MECOM: variants seen among roughly 807,000 people sequenced by gnomAD.
MECOM encodes the protein MDS1 and EVI1 complex locus.
A neutral mutation model predicts 116.3 loss-of-function variants in MECOM; 13 were observed. The observed-to-expected ratio is 0.11, with a 90% confidence interval of 0.07 to 0.18. The LOEUF (loss-of-function observed/expected upper bound fraction) is 0.18, where lower values mean the gene tolerates loss of function less well. MECOM is among the 10% of genes least tolerant of loss of function. MECOM has a pLI of 1.00. For synonymous variants in MECOM, 528 were observed against 535.2 expected, an observed-to-expected ratio of 0.99 and a Z score of 0.19; for missense variants, 1,299 against 1,509.0, an observed-to-expected ratio of 0.86 and a Z score of 2.31.
At chr3:169,233,883 G>C (rs191066573) in intron 2 of MECOM, among the ~76,000 whole-genome samples, 1 of 152,192 alleles carries the variant, frequency 6.6e-6, no homozygotes, top group Admixed American at 6.5e-5. Context: ...CCAATTTCCT[G>C]ACTATGGAGG....
chr3:169,219,033 T>A (rs536792212), intron 2 of MECOM, among the ~76,000 whole-genome samples: 46 of 152,282 alleles, frequency 3.0e-4, no homozygotes, highest in African/African-American at 1.1e-3. Flanking sequence ...GTGTTGCTGC[T>A]GTGGGCTTTT....
intron 1 of MECOM, among the ~76,000 whole-genome samples, chr3:169,630,544 C>A (rs1394486120): frequency 6.6e-6 from 1 of 151,694 alleles, no homozygotes; most frequent in Non-Finnish European, 1.5e-5. Context: ...CCTCAAATTT[C>A]TGGGCTCAAG....
At chr3:169,304,760 C>A (rs1173545223) in intron 2 of MECOM, among the ~76,000 whole-genome samples, 1 of 152,114 alleles carries the variant, frequency 6.6e-6, no homozygotes, top group African/African-American at 2.4e-5. Flanking sequence ...ATAAATATAA[C>A]TTTGGTGTAC....
intron 2 of MECOM, among the ~76,000 whole-genome samples, chr3:169,177,613 T>A (rs1403314517): frequency 1.3e-5 from 2 of 151,916 alleles, no homozygotes; most frequent in Admixed American, 1.3e-4. Context: ...ATAATAAAAA[T>A]TATAACAATA....
chr3:169,448,343 A>G (rs114038806), intron 1 of MECOM, among the ~76,000 whole-genome samples: 1,842 of 152,308 alleles, frequency 0.012, 16 homozygotes, highest in Non-Finnish European at 0.018. Flanking sequence ...TAGGTCGCCC[A>G]TCACATGCTA....
intron 1 of MECOM, among the ~76,000 whole-genome samples, chr3:169,437,240 A>G (rs932263811): frequency 6.6e-6 from 1 of 152,212 alleles, no homozygotes; most frequent in African/African-American, 2.4e-5. Flanking sequence ...TTCTGGCTTC[A>G]AATCCAGTTA....
At chr3:169,131,883 G>T in intron 3 of MECOM, 1 of 1,015,978 alleles carries the variant, frequency 9.8e-7, no homozygotes, top group Non-Finnish European at 1.2e-6. Flanking sequence ...CAAACCACAC[G>T]TACTCACAGA....
chr3:169,414,166 CT>C (rs1449713676), intron 1 of MECOM, among the ~76,000 whole-genome samples: 3 of 152,176 alleles, frequency 2.0e-5, no homozygotes, highest in African/African-American at 4.8e-5. Flanking sequence ...GGGTGCCCCC[CT>C]GGTATGAAGC....
rs376902711 is a variant in MECOM, at chr3:169,310,222, T to G, written c.375+70965A>C. 1.5e-3 allele frequency among the ~76,000 whole-genome samples: 236 copies of G among 152,324 alleles called. 2 individuals carry two copies. The highest frequency in any genetic ancestry group is 5.3e-3 in the African/African-American group (220 of 41,576). ...TAATTCTTTTTCACATTTCACATAT[T>G]CGTACACATTCAACATCCAGTCCAT... On this transcript the variant is annotated intron_variant, in intron 2 of 16. Coordinates refer to ENST00000651503, the MANE Select transcript of MECOM (RefSeq NM_004991.4).
At chr3:169,396,766 T>C (rs573765156) in intron 1 of MECOM, among the ~76,000 whole-genome samples, 3 of 152,046 alleles carry the variant, frequency 2.0e-5, no homozygotes, top group East Asian at 3.9e-4. Flanking sequence ...AGGTCTGGAG[T>C]TCGAGACCAG....
At chr3:169,214,537 A>G (rs1280997511) in intron 2 of MECOM, among the ~76,000 whole-genome samples, 1 of 151,804 alleles carries the variant, frequency 6.6e-6, no homozygotes, top group African/African-American at 2.4e-5. Context: ...AGAATTCAAT[A>G]AGGCAAAAAG....
chr3:169,474,229 C>T (rs182080986), intron 1 of MECOM, among the ~76,000 whole-genome samples: 32 of 152,246 alleles, frequency 2.1e-4, no homozygotes, highest in Admixed American at 4.6e-4. Flanking sequence ...TAAAGTCAGC[C>T]GAGAGAGCAA....
chr3:169,139,163 T>C (rs1737314714), intron 3 of MECOM, among the ~76,000 whole-genome samples: 1 of 152,140 alleles, frequency 6.6e-6, no homozygotes, highest in African/African-American at 2.4e-5. Context: ...CTCATTCTTC[T>C]GTAACTCATT....
chr3:169,629,717 G>A (rs1771846244), intron 1 of MECOM, among the ~76,000 whole-genome samples: 1 of 152,158 alleles, frequency 6.6e-6, no homozygotes, highest in Admixed American at 6.5e-5. Context: ...CACTGCCTCT[G>A]GAACTACTGA....
At chr3:169,090,955 T>C (rs1358283627) in intron 14 of MECOM, among the ~76,000 whole-genome samples, 1 of 152,106 alleles carries the variant, frequency 6.6e-6, no homozygotes, top group Non-Finnish European at 1.5e-5. Flanking sequence ...TATAATTTAA[T>C]ATTCAGATTT....
chr3:169,189,413 A>T (rs1048559500), intron 2 of MECOM, among the ~76,000 whole-genome samples: 4 of 152,022 alleles, frequency 2.6e-5, no homozygotes, highest in African/African-American at 4.8e-5. Flanking sequence ...CAGGGGAAAA[A>T]AATCCTTTGG....
chr3:169,445,510 C>T (rs79173777), intron 1 of MECOM, among the ~76,000 whole-genome samples: 3 of 152,214 alleles, frequency 2.0e-5, no homozygotes, highest in Non-Finnish European at 4.4e-5. Flanking sequence ...TATGGAAATG[C>T]CTGGATGCCC....
intron 1 of MECOM, among the ~76,000 whole-genome samples, chr3:169,584,064 C>A (rs1436962283): frequency 1.6e-4 from 24 of 152,134 alleles, no homozygotes; most frequent in Non-Finnish European, 1.5e-5. Context: ...TCTATGAATT[C>A]CTGCTGAGAG....
At chr3:169,523,944 ATATG>A (rs1489622086) in intron 1 of MECOM, among the ~76,000 whole-genome samples, 3 of 148,562 alleles carry the variant, frequency 2.0e-5, no homozygotes, top group Non-Finnish European at 4.5e-5. Flanking sequence ...TGTAATATAT[ATATG>A]TGTGTATATA....
Sources: gnomAD v4.1 joint callset for allele counts (sites outside exome capture counted in the v4.1 genomes callset) on GRCh38, gnomAD v4.1.1 for gene constraint, MANE v1.5 for transcripts, NCBI Gene and HGNC (gene_info 2026-07-23, HGNC 2026-07-21) for gene names.